Variants in MEIS1 observed in about 807,000 individuals in gnomAD.
The protein encoded by MEIS1 is Meis homeobox 1.
Under a neutral mutation model 50.8 loss-of-function variants are expected in MEIS1, and 5 were observed. The observed-to-expected ratio is 0.10, with a 90% CI of 0.05 to 0.21. The LOEUF is 0.21. Ranked by LOEUF, MEIS1 falls within the 10% of genes least tolerant of loss-of-function variation. The pLI is 1.00. For synonymous variants in MEIS1, 176 were observed against 179.3 expected (o/e 0.98, Z 0.15); for missense variants, 318 against 517.3 (o/e 0.61, Z 3.74).
At chr2:66,558,279 C>CAAAAAAAAAAAAAAAAAA (rs59017279) in intron 9 of MEIS1, among the ~76,000 whole-genome samples, 204 of 57,078 alleles carry the variant, frequency 3.6e-3, no homozygotes, top group Non-Finnish European at 3.7e-3. Context: ...AACTCCATCT[C>CAAAAAAAAAAAAAAAAAA]AAAAAAAAAA....
chr2:66,488,053 C>T (rs981098635), intron 7 of MEIS1, among the ~76,000 whole-genome samples: 1 of 152,170 alleles, frequency 6.6e-6, no homozygotes, highest in African/African-American at 2.4e-5. Flanking sequence ...CTTTTGCATA[C>T]AAATATGGCT....
intron 7 of MEIS1, among the ~76,000 whole-genome samples, chr2:66,492,130 G>A (rs979403876): frequency 6.7e-6 from 1 of 150,172 alleles, no homozygotes; most frequent in Non-Finnish European, 1.5e-5. Context: ...ATTCCTAGTG[G>A]AGGGGGGCTA....
chr2:66,523,668 G>GA (rs1674182186), intron 8 of MEIS1, among the ~76,000 whole-genome samples: 3 of 152,262 alleles, frequency 2.0e-5, no homozygotes, highest in Middle Eastern at 6.8e-3. Flanking sequence ...AGAGCCTTTG[G>GA]AAAAAATCTG....
intron 8 of MEIS1, among the ~76,000 whole-genome samples, chr2:66,526,400 G>A (rs1234209081): frequency 2.6e-5 from 4 of 152,172 alleles, no homozygotes; most frequent in Admixed American, 2.6e-4. Context: ...GGCAGGCCGG[G>A]CCTGGCCTGC....
At chr2:66,473,880 A>G (rs1202452836) in intron 7 of MEIS1, among the ~76,000 whole-genome samples, 3 of 152,180 alleles carry the variant, frequency 2.0e-5, no homozygotes, top group African/African-American at 7.2e-5. Flanking sequence ...CGCAGACAAC[A>G]AAATCTTCAG....
At chr2:66,508,110 T>C (rs1673728480) in intron 7 of MEIS1, among the ~76,000 whole-genome samples, 1 of 152,242 alleles carries the variant, frequency 6.6e-6, no homozygotes, top group African/African-American at 2.4e-5. Context: ...GTGCATGGTT[T>C]TGATAGCTCG....
intron 9 of MEIS1, among the ~76,000 whole-genome samples, chr2:66,552,765 TG>T (rs994420902): frequency 6.6e-6 from 1 of 152,220 alleles, no homozygotes; most frequent in African/African-American, 2.4e-5. Context: ...TTCTGAGTTA[TG>T]GTAATAATAT....
chr2:66,515,437 G>C (rs1435295258), intron 8 of MEIS1, among the ~76,000 whole-genome samples: 2 of 152,054 alleles, frequency 1.3e-5, no homozygotes, highest in Admixed American at 6.6e-5. Context: ...TTCTGAATTT[G>C]TACCCCAGCT....
chr2:66,440,515 T>G (rs1439866549), intron 3 of MEIS1, 47 bp from the exon 4 acceptor site: 15 of 1,553,014 alleles, frequency 9.7e-6, no homozygotes, highest in African/African-American at 2.7e-5. Context: ...TTTTTCTTTC[T>G]TTTTTCTCTC....
At chr2:66,552,832 T>C (rs1422747513) in intron 9 of MEIS1, among the ~76,000 whole-genome samples, 1 of 152,234 alleles carries the variant, frequency 6.6e-6, no homozygotes, top group East Asian at 1.9e-4. Flanking sequence ...CCTGTTTAGA[T>C]GTAAATGTTA....
At chr2:66,567,827 C>T (rs1385709788) in intron 10 of MEIS1, 2 of 564,350 alleles carry the variant, frequency 3.5e-6, no homozygotes, top group East Asian at 6.0e-5. Context: ...GCTCTTTCTG[C>T]TACTATGACC....
intron 9 of MEIS1, among the ~76,000 whole-genome samples, chr2:66,564,783 T>TG (rs1675300181): frequency 6.6e-6 from 1 of 152,108 alleles, no homozygotes; most frequent in Non-Finnish European, 1.5e-5. Context: ...GCAGGTTTGT[T>TG]ACATATGTAT....
Position 66,489,465 on chromosome 2 carries a change from C to T in MEIS1, c.743-22684C>T, listed in dbSNP as rs575945705. ...GACTTACATTTTATTGTTGGCCACA[C>T]TTTAGGATTTTATTGCATTAAAATG... On this transcript the variant is annotated intron_variant, in intron 7 of 12. Transcript: ENST00000272369. Among the ~76,000 whole-genome samples the T allele has an allele frequency of 1.6e-4, 24 of 152,230 alleles. 1 individual carries two copies. The highest frequency in any genetic ancestry group is 4.1e-4 in the South Asian group (2 of 4,824).
intron 8 of MEIS1, among the ~76,000 whole-genome samples, chr2:66,525,191 C>T (rs577103172): frequency 2.9e-4 from 44 of 152,058 alleles, no homozygotes; most frequent in Admixed American, 5.2e-4. Context: ...CCATCCTGGG[C>T]GGCAGAGTGA....
chr2:66,450,227 T>G (rs1468788236), intron 6 of MEIS1, among the ~76,000 whole-genome samples: 4 of 152,190 alleles, frequency 2.6e-5, no homozygotes, highest in Non-Finnish European at 5.9e-5. Flanking sequence ...TACAGTGGAT[T>G]CTTCCCTTGT....
At chr2:66,491,865 C>G (rs186768013) in intron 7 of MEIS1, among the ~76,000 whole-genome samples, 41 of 152,110 alleles carry the variant, frequency 2.7e-4, no homozygotes, top group Middle Eastern at 3.4e-3. Context: ...GATATAAGGA[C>G]AGCTGCACCC....
chr2:66,560,252 A>G (rs918333839), intron 9 of MEIS1, among the ~76,000 whole-genome samples: 9 of 151,940 alleles, frequency 5.9e-5, no homozygotes, highest in Admixed American at 2.0e-4. Context: ...ATTACTTTGC[A>G]TCATCATTGT....
chr2:66,532,547 CCT>C (rs1674419628), intron 8 of MEIS1, among the ~76,000 whole-genome samples: 1 of 151,986 alleles, frequency 6.6e-6, no homozygotes, highest in Non-Finnish European at 1.5e-5. Context: ...AAATAGGGCC[CCT>C]GAGAGCATCC....
chr2:66,569,253 C>CTAGAAGGGAG, intron 12 of MEIS1, 108 bp downstream of exon 12: 1 of 904,648 alleles, frequency 1.1e-6, no homozygotes, highest in Non-Finnish European at 1.7e-6. Flanking sequence ...CATTCCTTTC[C>CTAGAAGGGAG]ATTAAACTCC....
Sources: allele counts gnomAD v4.1 joint callset (sites outside exome capture counted in the v4.1 genomes callset), GRCh38; gene constraint gnomAD v4.1.1; transcripts MANE v1.5; gene names NCBI Gene and HGNC (gene_info 2026-07-23, HGNC 2026-07-21).